GXYLT2: variants seen among roughly 807,000 people sequenced by gnomAD.
GXYLT2 encodes glycosyltransferase 8 domain containing 4.
A neutral mutation model predicts 45.8 loss-of-function variants in GXYLT2; 53 were observed. The ratio of observed to expected loss-of-function variants is 1.16; its 90% CI spans 0.93 to 1.46. GXYLT2 has a LOEUF of 1.46. GXYLT2 is among the 40% of genes most tolerant of loss of function. The probability of loss-of-function intolerance (pLI) is 0.00; values close to 1 mark genes in which losing one functional copy is unlikely to be tolerated. For synonymous variants in GXYLT2, 219 were observed against 214.2 expected, an observed-to-expected ratio of 1.02 and a Z score of -0.19; for missense variants, 551 against 544.4, an observed-to-expected ratio of 1.01 and a Z score of -0.12.
chr3:72,956,184 G>T (rs542859917), intron 4 of GXYLT2, among the ~76,000 whole-genome samples: 1 of 151,986 alleles, frequency 6.6e-6, no homozygotes, highest in Non-Finnish European at 1.5e-5. Context: ...CCAGGAGGTC[G>T]AGGCTGCATT....
intron 3 of GXYLT2, among the ~76,000 whole-genome samples, chr3:72,930,107 A>C (rs1042908517): frequency 6.6e-6 from 1 of 151,826 alleles, no homozygotes; most frequent in Admixed American, 6.6e-5. Context: ...CAGAGGGTGC[A>C]GTGAGTTGAG....
intron 2 of GXYLT2, among the ~76,000 whole-genome samples, chr3:72,915,359 G>A (rs1348936365): frequency 2.5e-5 from 3 of 118,730 alleles, no homozygotes; most frequent in Non-Finnish European, 4.8e-5. Flanking sequence ...TTTTTTGCGG[G>A]GGGGGGGGGG....
intron 3 of GXYLT2, among the ~76,000 whole-genome samples, chr3:72,925,739 G>T (rs1309800553): frequency 6.6e-6 from 1 of 152,078 alleles, no homozygotes; most frequent in Non-Finnish European, 1.5e-5. Flanking sequence ...ACCTTGAATT[G>T]TGACTTTATT....
At chr3:72,924,461 C>T (rs563145037) in intron 3 of GXYLT2, among the ~76,000 whole-genome samples, 1 of 152,260 alleles carries the variant, frequency 6.6e-6, no homozygotes, top group African/African-American at 2.4e-5. Flanking sequence ...ACCTTGACCT[C>T]CCACAGTGCT....
In GXYLT2 at chr3:72,964,504, G is replaced by A. The variant is rs9847013; in HGVS notation, c.977-3043G>A. ...TGCCTGGCTAATTTTTGTATTTTTA[G>A]TAGAGGTGGGGTTTCACCATGTTGG... On this transcript the variant is annotated intron_variant, in intron 5 of 6. Transcript: ENST00000389617. Among the ~76,000 whole-genome samples the A allele has an allele frequency of 6.8e-3, 1,038 of 152,016 alleles. 13 individuals are homozygous for A. The highest frequency in any genetic ancestry group is 0.024 in the African/African-American group (1,006 of 41,474).
chr3:72,955,953 C>G (rs1710634937), intron 4 of GXYLT2, among the ~76,000 whole-genome samples: 1 of 152,158 alleles, frequency 6.6e-6, no homozygotes, highest in African/African-American at 2.4e-5. Context: ...TGGCGCACAC[C>G]TGTAGTCCTA....
At position 72,931,352 on chromosome 3, in the gene GXYLT2, G is replaced by C. The variant is rs369467374; in HGVS notation, c.600+9017G>C. Reference sequence around the variant, plus strand: ...ACCCCCCATTCTCCTGCCTCAGCTTGCCGAGTAGCTGGGACTACAGGTGCC... The same window carrying C: ...ACCCCCCATTCTCCTGCCTCAGCTTCCCGAGTAGCTGGGACTACAGGTGCC... On this transcript the variant is annotated intron_variant, in intron 3 of 6. Coordinates refer to ENST00000389617, the MANE Select transcript of GXYLT2 (RefSeq NM_001080393.2). 1.6e-3 allele frequency among the ~76,000 whole-genome samples: 246 copies of C among 151,562 alleles called. No individual in the cohort carries two copies. In the Middle Eastern group the frequency reaches 0.027, roughly 17 times the overall value.
intron 3 of GXYLT2, among the ~76,000 whole-genome samples, chr3:72,935,839 G>A (rs1710166444): frequency 1.3e-5 from 2 of 152,168 alleles, no homozygotes; most frequent in Non-Finnish European, 2.9e-5. Context: ...TGAGTCTTCT[G>A]TAATTCCTTC....
chr3:72,963,205 A>T (rs1710800130), intron 5 of GXYLT2, among the ~76,000 whole-genome samples: 1 of 152,148 alleles, frequency 6.6e-6, no homozygotes. Flanking sequence ...CTGTATTACC[A>T]TGAAGTTAAA....
Position 72,976,560 on chromosome 3 carries a change from G to T in GXYLT2, c.*1401G>T, listed in dbSNP as rs1361146434. ...ATTTCTTTCCCCCTAGGGTTACCTA[G>T]CTGGTCCATACAGGTTTTATCACCT... On this transcript the variant is annotated 3_prime_UTR_variant, in exon 7 of 7. Coordinates refer to ENST00000389617, the MANE Select transcript of GXYLT2 (RefSeq NM_001080393.2). The T allele has an allele frequency of 1.3e-5, 2 of 152,182 alleles. No individual in the cohort carries two copies. Among genetic ancestry groups the T allele is most frequent in the Non-Finnish European group, 2.9e-5 (2 of 68,016 alleles). 9.4% of individuals were successfully genotyped at this position (152,182 alleles called of 1,614,324 possible).
chr3:72,973,587 G>A (rs1414560278), intron 6 of GXYLT2, among the ~76,000 whole-genome samples: 2 of 152,198 alleles, frequency 1.3e-5, no homozygotes, highest in Non-Finnish European at 2.9e-5. Flanking sequence ...GAGACTAATC[G>A]CAGCCACCTG....
At chr3:72,931,922 A>C (rs7636444) in intron 3 of GXYLT2, among the ~76,000 whole-genome samples, 3,551 of 152,280 alleles carry the variant, frequency 0.023, 133 homozygotes, top group African/African-American at 0.081. Flanking sequence ...GACTCAAACT[A>C]CTAAAATCAG....
At chr3:72,895,262 G>C (rs1709266163) in intron 1 of GXYLT2, among the ~76,000 whole-genome samples, 4 of 152,102 alleles carry the variant, frequency 2.6e-5, no homozygotes, top group Admixed American at 2.6e-4. Flanking sequence ...AGGTGGGCTG[G>C]TGGCGGGGTT....
intron 3 of GXYLT2, among the ~76,000 whole-genome samples, chr3:72,941,615 T>C (rs1710300159): frequency 6.6e-6 from 1 of 152,120 alleles, no homozygotes; most frequent in African/African-American, 2.4e-5. Context: ...AGCTCAGAAT[T>C]CTCTTTGCCT....
intron 3 of GXYLT2, among the ~76,000 whole-genome samples, chr3:72,938,620 C>T (rs1258970594): frequency 1.3e-5 from 2 of 152,144 alleles, no homozygotes; most frequent in African/African-American, 4.8e-5. Flanking sequence ...TGTGTGCTTG[C>T]TGGCTGGGAT....
In GXYLT2 at chr3:72,901,484, A is replaced by T. The variant is rs539366917; in HGVS notation, c.276-6883A>T. Among the ~76,000 whole-genome samples, 10 of 148,726 alleles carry T rather than the reference A, an allele frequency of 6.7e-5. No homozygotes were observed. In the East Asian group the frequency reaches 1.2e-3, roughly 18 times the overall value. On this transcript the variant is annotated intron_variant, in intron 1 of 6. Coordinates refer to ENST00000389617, the MANE Select transcript of GXYLT2 (RefSeq NM_001080393.2). Reference sequence around the variant, plus strand: ...GCATCAAAAGAAAAAAAAAAAGTATACTATTCCATCGTTTTTAGTTTATTC... The same window carrying T: ...GCATCAAAAGAAAAAAAAAAAGTATTCTATTCCATCGTTTTTAGTTTATTC...
rs146704185 is a variant in GXYLT2, at chr3:72,905,121, C to T, written c.276-3246C>T. 1.9e-4 allele frequency among the ~76,000 whole-genome samples: 28 copies of T among 150,802 alleles called. No individual in the cohort carries two copies. In the East Asian group the frequency reaches 4.1e-3, roughly 22 times the overall value. On this transcript the variant is annotated intron_variant, in intron 1 of 6. Coordinates refer to ENST00000389617, the MANE Select transcript of GXYLT2 (RefSeq NM_001080393.2). ...AAAGAAAAAGAAAATAACCACTGTC[C>T]TGCATTTGTTTTCTTTGAGACAGAG...
In GXYLT2 at chr3:72,888,488, G is replaced by T; in HGVS notation, c.255G>T (p.Ala85=). The T allele has an allele frequency of 8.0e-7, 1 of 1,249,458 alleles. No individual in the cohort carries two copies. Among genetic ancestry groups the T allele is most frequent in the Non-Finnish European group, 1.0e-6 (1 of 992,822 alleles). The allele number at this position is 1,249,458 out of a possible 1,614,324, so 77.4% of individuals were successfully genotyped here. The change falls in exon 1 of 7, where the codon GCG becomes GCT. Residue 85 remains alanine (A), a synonymous_variant. Coordinates refer to ENST00000389617, the MANE Select transcript of GXYLT2 (RefSeq NM_001080393.2). ...CCCGAGCGGGCCGCCGGGGCGCTGC[G>T]AGACTGGAGAAGTTGGCGAGGTGAG... ...PRPRAGRRGA[A]RLEKLARRPG...
At chr3:72,946,545 G>C (rs909563804) in intron 3 of GXYLT2, among the ~76,000 whole-genome samples, 1 of 152,172 alleles carries the variant, frequency 6.6e-6, no homozygotes, top group Non-Finnish European at 1.5e-5. Context: ...TTCAGCATCT[G>C]TCTGGTGAGG....
Sources: allele counts gnomAD v4.1 joint callset (sites outside exome capture counted in the v4.1 genomes callset), GRCh38; gene constraint gnomAD v4.1.1; transcripts MANE v1.5; gene names NCBI Gene and HGNC (gene_info 2026-07-23, HGNC 2026-07-21).